ART1: variants seen among roughly 807,000 people sequenced by gnomAD.
ART1 encodes the protein GPI-linked NAD(P)(+)--arginine ADP-ribosyltransferase 1.
In ART1, 29 loss-of-function variants were observed where a neutral mutation model predicts 27.0. The observed-to-expected ratio is 1.08, with a 90% CI of 0.80 to 1.47. The LOEUF is 1.47. ART1 is among the 40% of genes most tolerant of loss of function. The pLI is 0.00. For missense variants in ART1, 480 were observed against 423.0 expected, an observed-to-expected ratio of 1.13 and a Z score of -1.18; for synonymous variants, 201 against 172.2, an observed-to-expected ratio of 1.17 and a Z score of -1.31.
At chr11:3,660,406 C>T (rs779387734) in intron 3 of ART1, 43 bp downstream of exon 3, 1 of 1,558,828 alleles carries the variant, frequency 6.4e-7, no homozygotes, top group South Asian at 1.2e-5. Context: ...GGAAGGTGGA[C>T]CTTCCACATC....
intron 1 of ART1, among the ~76,000 whole-genome samples, chr11:3,648,872 C>T (rs2077490450): frequency 6.6e-6 from 1 of 152,094 alleles, no homozygotes; most frequent in Admixed American, 6.5e-5. Flanking sequence ...ACCCCTTCTC[C>T]TTCACCCTTA....
In ART1 at chr11:3,659,953, A is replaced by G. The variant is rs1589924683; in HGVS notation, c.434A>G (p.Tyr145Cys). 1 of 1,613,566 alleles carries G rather than the reference A, an allele frequency of 6.2e-7. No individual in the cohort carries two copies. Among genetic ancestry groups the G allele is most frequent in the Admixed American group, 1.7e-5 (1 of 60,002 alleles). The change falls in exon 3 of 5, where the codon TAC (tyrosine) becomes TGC (cysteine). Residue 145 changes from tyrosine (Y) to cysteine (C), a missense_variant. Coordinates refer to ENST00000250693, the MANE Select transcript of ART1 (RefSeq NM_004314.3). Reference sequence around the variant, plus strand: ...GAGGCGGGCCGCTCCCGGGCCCACTACCTCCACCACTTCTCCTTCAAGACA... The same window carrying G: ...GAGGCGGGCCGCTCCCGGGCCCACTGCCTCCACCACTTCTCCTTCAAGACA... ...VREAGRSRAH[Y>C]LHHFSFKTLH...
In ART1 at chr11:3,659,926, G is replaced by A. The variant is rs148703944; in HGVS notation, c.407G>A (p.Arg136His). The change falls in exon 3 of 5, where the codon CGT becomes CAT. Residue 136 changes from arginine (R) to histidine (H), a missense_variant. Transcript: ENST00000250693. ...PLHKEFNAAV[R>H]EAGRSRAHYL... is the part of the protein sequence containing the mutation. ...CACAAGGAGTTCAATGCAGCCGTGC[G>A]TGAGGCGGGCCGCTCCCGGGCCCAC... 3,535 of 1,613,364 alleles carry A rather than the reference G, an allele frequency of 2.2e-3. 5 individuals are homozygous for A. The highest frequency in any genetic ancestry group is 4.3e-3 in the Middle Eastern group (26 of 6,058).
chr11:3,663,033 ATCATC>A lies in ART1; in HGVS notation c.887-1018_887-1014del, dbSNP rs1554883211. On this transcript the variant is annotated intron_variant, in intron 4 of 4. Transcript: ENST00000250693. ...TCATCTCATCATCTCATCTCATCTCATCATCTCATCTCATCTCATCTCATCTCATC... is the reference window on the plus strand; with the variant it reads ...TCATCTCATCATCTCATCTCATCTCATCATCTCATCTCATCTCATCTCATC... Among the ~76,000 whole-genome samples, 721 of 82,318 alleles carry A rather than the reference ATCATC, an allele frequency of 8.8e-3. 11 individuals carry two copies. The highest frequency in any genetic ancestry group is 0.019 in the African/African-American group (391 of 20,846). 54.0% of individuals were successfully genotyped at this position (82,318 alleles called of 152,430 possible). A position where few individuals can be genotyped will look rare whatever the true frequency, so the allele number is the denominator to read the frequency against.
In ART1 at chr11:3,657,392, C is replaced by T. The variant is rs146677898; in HGVS notation, c.-52-1770C>T. Among the ~76,000 whole-genome samples, 1,326 of 151,952 alleles carry T rather than the reference C, an allele frequency of 8.7e-3. 20 individuals are homozygous for T. The highest frequency in any genetic ancestry group is 0.031 in the African/African-American group (1,267 of 41,442). On this transcript the variant is annotated intron_variant, in intron 1 of 4. Transcript: ENST00000250693. ...GAATTCGAGATCAGCCTGGGCAACA[C>T]GGCAAAACCCCACCTCTACAAAAAA...
intron 4 of ART1, among the ~76,000 whole-genome samples, chr11:3,662,220 C>A (rs559497386): frequency 2.6e-5 from 4 of 152,374 alleles, no homozygotes; most frequent in South Asian, 2.1e-4. Context: ...CCCATTCTTT[C>A]TCTGTGCCTC....
chr11:3,663,926 ATCT>A, intron 4 of ART1, 163 bp from the exon 5 acceptor site: 1 of 608,110 alleles, frequency 1.6e-6, no homozygotes, highest in Non-Finnish European at 2.9e-6. Context: ...CCTAAACTTG[ATCT>A]TCATCTCTGT....
At position 3,659,736 on chromosome 11, in the gene ART1, C is replaced by A. The variant is rs1393607624; in HGVS notation, c.217C>A (p.Gln73Lys). ...DLNHTEFQANQVYADSWTLAS... is the reference protein window; with the variant it reads ...DLNHTEFQANKVYADSWTLAS... ...CAACCACACGGAGTTCCAGGCCAACCAGGTGTATGCAGACAGCTGGACACT... is the reference window on the plus strand; with the variant it reads ...CAACCACACGGAGTTCCAGGCCAACAAGGTGTATGCAGACAGCTGGACACT... The change falls in exon 3 of 5, where the codon CAG becomes AAG. Residue 73 changes from glutamine to lysine, a missense_variant. Transcript: ENST00000250693. 6.2e-7 allele frequency: 1 copy of A among 1,613,978 alleles called. No individual in the cohort carries two copies. Among genetic ancestry groups the A allele is most frequent in the Non-Finnish European group, 8.5e-7 (1 of 1,179,984 alleles).
chr11:3,661,397 C>T lies in ART1; in HGVS notation c.870C>T (p.Cys290=). The change falls in exon 4 of 5, where the codon TGC becomes TGT. Residue 290 remains cysteine, a synonymous_variant. Transcript: ENST00000250693. ...IKDKKCKSGP[C]HLDNSAMGQS... ...ACAAGAAGTGCAAGTCTGGGCCTTGCCATCTGGATAATTCAGGTAAGGGCT... is the reference window on the plus strand; with the variant it reads ...ACAAGAAGTGCAAGTCTGGGCCTTGTCATCTGGATAATTCAGGTAAGGGCT... The T allele has an allele frequency of 1.2e-5, 19 of 1,612,348 alleles. No homozygotes were observed. The highest frequency in any genetic ancestry group is 1.6e-5 in the Non-Finnish European group (19 of 1,179,478).
intron 1 of ART1, among the ~76,000 whole-genome samples, chr11:3,658,158 C>T (rs1392904161): frequency 1.3e-5 from 2 of 151,722 alleles, no homozygotes; most frequent in Non-Finnish European, 1.5e-5. Flanking sequence ...CATGGTGAAA[C>T]CCCGTCTTTA....
intron 4 of ART1, 153 bp from the exon 5 acceptor site, chr11:3,663,939 T>C: frequency 1.6e-6 from 1 of 635,148 alleles, no homozygotes; most frequent in Admixed American, 2.8e-5. Flanking sequence ...TTCATCTCTG[T>C]TGCCCGTGGC....
At chr11:3,653,682 T>C (rs1326059201) in intron 1 of ART1, among the ~76,000 whole-genome samples, 1 of 152,174 alleles carries the variant, frequency 6.6e-6, no homozygotes, top group Non-Finnish European at 1.5e-5. Flanking sequence ...GCTTCTCCTC[T>C]GTGTTTCTAG....
In ART1 at chr11:3,664,291, G is replaced by A; in HGVS notation, c.*102G>A. 8.7e-7 allele frequency: 1 copy of A among 1,154,382 alleles called. No individual in the cohort carries two copies. The highest frequency in any genetic ancestry group is 1.3e-6 in the Non-Finnish European group (1 of 792,596). 71.5% of individuals were successfully genotyped at this position (1,154,382 alleles called of 1,614,324 possible). ...ACCAAGATTCCTGTCAATCCCATCT[G>A]CAGGGAACTCTGGGACCTTCTCTGG... On this transcript the variant is annotated 3_prime_UTR_variant, in exon 5 of 5. Coordinates refer to ENST00000250693, the MANE Select transcript of ART1 (RefSeq NM_004314.3).
At chr11:3,652,300 T>A (rs2077529984) in intron 1 of ART1, among the ~76,000 whole-genome samples, 1 of 150,910 alleles carries the variant, frequency 6.6e-6, no homozygotes, top group South Asian at 2.1e-4. Context: ...CAGACATAAT[T>A]CCTCAGTTTA....
chr11:3,655,602 T>G, intron 1 of ART1: 1 of 152,194 alleles, frequency 6.6e-6, no homozygotes. Flanking sequence ...TGTACCTGCA[T>G]GTGGACTCGA....
At chr11:3,656,390 T>TTTATTTA (rs1565042924) in intron 1 of ART1, among the ~76,000 whole-genome samples, 1 of 43,954 alleles carries the variant, frequency 2.3e-5, no homozygotes, top group African/African-American at 4.7e-5. Context: ...TTATTTATTT[T>TTTATTTA]TTAAATTTTT....
intron 4 of ART1, among the ~76,000 whole-genome samples, chr11:3,661,658 G>A (rs1027043222): frequency 3.3e-5 from 5 of 151,940 alleles, no homozygotes; most frequent in East Asian, 1.9e-4. Flanking sequence ...CACCAAGCCC[G>A]GCTAATTTTT....
At chr11:3,661,780 C>T (rs889693792) in intron 4 of ART1, among the ~76,000 whole-genome samples, 3 of 152,056 alleles carry the variant, frequency 2.0e-5, no homozygotes, top group Admixed American at 6.5e-5. Context: ...TTACAGGCGT[C>T]AGCCACCGTG....
intron 2 of ART1, 148 bp from the exon 3 acceptor site, chr11:3,659,435 A>G: frequency 7.4e-7 from 1 of 1,356,004 alleles, no homozygotes; most frequent in Non-Finnish European, 1.0e-6. Flanking sequence ...TCTTGGGGAA[A>G]TTACAGCCAG....
Sources: gnomAD v4.1 joint callset for allele counts (sites outside exome capture counted in the v4.1 genomes callset) on GRCh38, gnomAD v4.1.1 for gene constraint, MANE v1.5 for transcripts, NCBI Gene and HGNC (gene_info 2026-07-23, HGNC 2026-07-21) for gene names.